MYT1L: variants seen among roughly 807,000 people sequenced by gnomAD.
The protein encoded by MYT1L is myelin transcription factor 1-like protein.
A neutral mutation model predicts 126.7 loss-of-function variants in MYT1L; 12 were observed. The observed-to-expected ratio is 0.09, with a 90% CI of 0.06 to 0.15. MYT1L has a LOEUF of 0.15. MYT1L is among the 10% of genes least tolerant of loss of function. The pLI is 1.00. For missense variants in MYT1L, 979 were observed against 1,585.2 expected, an observed-to-expected ratio of 0.62 and a Z score of 6.49; for synonymous variants, 541 against 604.2, an observed-to-expected ratio of 0.90 and a Z score of 1.53.
rs562198087 is a variant in MYT1L at position 2,318,542 on chromosome 2, C to T, written c.-521+12425G>A. On this transcript the variant is annotated intron_variant, in intron 1 of 24. Coordinates refer to ENST00000647738, the MANE Select transcript of MYT1L (RefSeq NM_001303052.2). ...AGGATTGTTTTTGAGCTAATATAAT[C>T]CCAGGAACAGCATATTAGCTAAAAA... is the stretch of plus-strand genomic sequence containing the variant. 6.6e-5 allele frequency among the ~76,000 whole-genome samples: 10 copies of T among 152,242 alleles called. No individual in the cohort carries two copies. The East Asian group carries it at 1.7e-3, about 26-fold the overall frequency.
At chr2:2,135,010 A>G (rs1046089014) in intron 3 of MYT1L, among the ~76,000 whole-genome samples, 1 of 151,972 alleles carries the variant, frequency 6.6e-6, no homozygotes, top group Admixed American at 6.6e-5. Context: ...GGCTATTTCT[A>G]TCTAATCCAC....
chr2:2,005,900 T>C (rs2063260858), intron 4 of MYT1L, among the ~76,000 whole-genome samples: 1 of 151,416 alleles, frequency 6.6e-6, no homozygotes, highest in Admixed American at 6.6e-5. Flanking sequence ...TCATGCGTTC[T>C]TTCCTGCGTG....
intron 18 of MYT1L, among the ~76,000 whole-genome samples, chr2:1,860,569 T>C (rs915492995): frequency 2.6e-5 from 4 of 152,204 alleles, no homozygotes; most frequent in Admixed American, 1.3e-4. Context: ...GCTAATGCCA[T>C]TTACATGTAG....
At position 1,856,141 on chromosome 2, in the gene MYT1L, C is replaced by T. The variant is rs116346745; in HGVS notation, c.2712-4438G>A. On this transcript the variant is annotated intron_variant, in intron 18 of 24. Coordinates refer to ENST00000647738, the MANE Select transcript of MYT1L (RefSeq NM_001303052.2). Reference sequence around the variant, plus strand: ...GAAAACAAAAAGTAAAAGACAGGGACGCTCAGAAGCATTTGGAACTCTGAC... The same window carrying T: ...GAAAACAAAAAGTAAAAGACAGGGATGCTCAGAAGCATTTGGAACTCTGAC... 3.2e-3 allele frequency among the ~76,000 whole-genome samples: 494 copies of T among 152,282 alleles called. 1 individual carries two copies. Among genetic ancestry groups the T allele is most frequent in the African/African-American group, 0.011 (472 of 41,554 alleles).
chr2:1,887,926 A>T lies in MYT1L; in HGVS notation c.2521-317T>A, dbSNP rs1267304267. On this transcript the variant is annotated intron_variant, in intron 16 of 24. Coordinates refer to ENST00000647738, the MANE Select transcript of MYT1L (RefSeq NM_001303052.2). The surrounding 1 kb of genome is among the most constrained non-coding windows in gnomAD (Gnocchi z 4.8). The stretch of plus-strand genomic sequence containing the variant: ...ACATTTAACTTGGTCTTCCTCATCC[A>T]GCATTCAGCACACACCTGTGGGTGG... Among the ~76,000 whole-genome samples, 1 of 152,208 alleles carries T rather than the reference A, an allele frequency of 6.6e-6. No individual in the cohort carries two copies. Among genetic ancestry groups the T allele is most frequent in the Non-Finnish European group, 1.5e-5 (1 of 68,040 alleles).
At chr2:2,004,342 C>A (rs1308145738) in intron 4 of MYT1L, among the ~76,000 whole-genome samples, 2 of 144,996 alleles carry the variant, frequency 1.4e-5, no homozygotes, top group Non-Finnish European at 3.0e-5. Flanking sequence ...TGCATACGTT[C>A]TTTCCTGCGT....
chr2:2,282,708 A>G (rs1442563402), intron 2 of MYT1L, among the ~76,000 whole-genome samples: 1 of 152,248 alleles, frequency 6.6e-6, no homozygotes, highest in Admixed American at 6.5e-5. Context: ...TAGAGAATTG[A>G]TGAAGTATAT....
At chr2:1,997,420 C>T (rs115396568) in intron 4 of MYT1L, 73 bp from the exon 5 acceptor site, 5 of 152,506 alleles carry the variant, frequency 3.3e-5, no homozygotes, top group African/African-American at 1.2e-4. Context: ...ATACACAGGG[C>T]GTCCTCTTTG....
chr2:1,859,922 C>A (rs2044368919), intron 18 of MYT1L, among the ~76,000 whole-genome samples: 1 of 152,212 alleles, frequency 6.6e-6, no homozygotes. Context: ...GGCTTGTTTT[C>A]TGGGGATTCT....
chr2:1,942,472 G>A (rs1053560953), intron 9 of MYT1L, among the ~76,000 whole-genome samples: 2 of 152,120 alleles, frequency 1.3e-5, no homozygotes, highest in Non-Finnish European at 2.9e-5. Flanking sequence ...TCCCAATTAT[G>A]TGACCATCAC....
intron 3 of MYT1L, among the ~76,000 whole-genome samples, chr2:2,094,761 G>A (rs982738491): frequency 6.8e-6 from 1 of 147,916 alleles, no homozygotes; most frequent in East Asian, 2.0e-4. Flanking sequence ...ATCACACACC[G>A]GGGCCTGCTG....
Position 2,328,003 on chromosome 2 carries a change from G to A in MYT1L, c.-521+2964C>T, listed in dbSNP as rs542013746. Among the ~76,000 whole-genome samples the A allele has an allele frequency of 3.9e-5, 6 of 152,244 alleles. No homozygotes were observed. In the East Asian group the frequency reaches 1.2e-3, roughly 29 times the overall value. On this transcript the variant is annotated intron_variant, in intron 1 of 24. Coordinates refer to ENST00000647738, the MANE Select transcript of MYT1L (RefSeq NM_001303052.2). ...AGGTAGAGTTGGAAATCTAGTTTAT[G>A]CATGTGACTTTGAAAACATTATTTA...
At chr2:2,260,900 C>T (rs538066017) in intron 2 of MYT1L, among the ~76,000 whole-genome samples, 2 of 152,244 alleles carry the variant, frequency 1.3e-5, no homozygotes, top group South Asian at 2.1e-4. Context: ...TAATGTCTTC[C>T]GGGACAATGC....
chr2:2,180,376 A>AAAG (rs201591912), intron 2 of MYT1L, among the ~76,000 whole-genome samples: 1 of 150,836 alleles, frequency 6.6e-6, no homozygotes, highest in African/African-American at 2.4e-5. Flanking sequence ...AAAAAAAAAA[A>AAAG]CAACAACCTG....
chr2:1,853,245 C>T (rs559758216), intron 18 of MYT1L, among the ~76,000 whole-genome samples: 1 of 152,160 alleles, frequency 6.6e-6, no homozygotes, highest in Non-Finnish European at 1.5e-5. Context: ...TGTGTGCTCC[C>T]ATCACTGCTC....
At chr2:2,097,487 C>T (rs936583661) in intron 3 of MYT1L, among the ~76,000 whole-genome samples, 3 of 152,192 alleles carry the variant, frequency 2.0e-5, no homozygotes, top group Non-Finnish European at 4.4e-5. Flanking sequence ...TGCATCTTCT[C>T]ATCTCATTAG....
intron 2 of MYT1L, among the ~76,000 whole-genome samples, chr2:2,251,831 G>T (rs561436621): frequency 4.0e-4 from 47 of 118,162 alleles, no homozygotes; most frequent in South Asian, 8.0e-4. Context: ...TATGGGAAAA[G>T]AAAAAAAAAG....
At chr2:2,113,465 G>A (rs1287507752) in intron 3 of MYT1L, among the ~76,000 whole-genome samples, 2 of 152,144 alleles carry the variant, frequency 1.3e-5, no homozygotes, top group African/African-American at 2.4e-5. Flanking sequence ...GGCTTTCTGG[G>A]AAGACTCCTA....
At chr2:1,866,010 C>T (rs1447712728) in intron 18 of MYT1L, among the ~76,000 whole-genome samples, 3 of 152,174 alleles carry the variant, frequency 2.0e-5, no homozygotes, top group South Asian at 2.1e-4. Context: ...TGGGTTTAGC[C>T]TCCGAGCTAC....
Sources: gnomAD v4.1 joint callset for allele counts (sites outside exome capture counted in the v4.1 genomes callset) on GRCh38, gnomAD v4.1.1 for gene constraint, Gnocchi (gnomAD v3.1) non-coding constraint, MANE v1.5 for transcripts, NCBI Gene and HGNC (gene_info 2026-07-23, HGNC 2026-07-21) for gene names.